The following POLR3B variants were observed in gnomAD, a reference collection of about 807,000 sequenced individuals.
POLR3B encodes the protein RNA polymerase III subunit B.
POLR3B carries 96 observed loss-of-function variants against 147.4 expected under a neutral mutation model. The ratio of observed to expected loss-of-function variants is 0.65; its 90% CI spans 0.55 to 0.77. POLR3B has a LOEUF of 0.77. POLR3B is among the 30% of genes least tolerant of loss of function. POLR3B has a pLI of 0.00. For synonymous variants in POLR3B, 461 were observed against 485.9 expected (o/e 0.95, Z 0.67); for missense variants, 1,036 against 1,413.5 (o/e 0.73, Z 4.28).
chr12:106,460,648 C>T (rs946206380), intron 22 of POLR3B, among the ~76,000 whole-genome samples: 1 of 152,176 alleles, frequency 6.6e-6, no homozygotes, highest in African/African-American at 2.4e-5. Flanking sequence ...TACAGAGGTG[C>T]CTCTGCTGGT....
chr12:106,452,052 A>C (rs2037804266), intron 19 of POLR3B, among the ~76,000 whole-genome samples: 1 of 152,184 alleles, frequency 6.6e-6, no homozygotes, highest in Admixed American at 6.5e-5. Flanking sequence ...AAATACTAAT[A>C]GGGGAATCAA....
intron 10 of POLR3B, among the ~76,000 whole-genome samples, chr12:106,399,756 A>C (rs1054509508): frequency 2.6e-5 from 4 of 152,142 alleles, no homozygotes; most frequent in Non-Finnish European, 4.4e-5. Flanking sequence ...GAAATAAAAT[A>C]CTTTACAGAC....
At chr12:106,508,380 C>T (rs183283080) in intron 27 of POLR3B, among the ~76,000 whole-genome samples, 1 of 152,304 alleles carries the variant, frequency 6.6e-6, no homozygotes, top group African/African-American at 2.4e-5. Context: ...AGGAATCCCC[C>T]TTCAATTCCT....
In POLR3B at chr12:106,469,546, G is replaced by A. The variant is rs1238220144; in HGVS notation, c.2713+5926G>A. Among the ~76,000 whole-genome samples, 11 of 152,118 alleles carry A rather than the reference G, an allele frequency of 7.2e-5. No individual in the cohort carries two copies. In the East Asian group the frequency reaches 7.7e-4, roughly 11 times the overall value. On this transcript the variant is annotated intron_variant, in intron 23 of 27. Coordinates refer to ENST00000228347, the MANE Select transcript of POLR3B (RefSeq NM_018082.6). ...ATTGATGCAGTTTCTTCATAGCATC[G>A]ATGGTCTTTACAATTTGGCATGTTT...
rs1307396784 is a variant in POLR3B at position 106,359,886 on chromosome 12, T to C, written c.72+1935T>C. Among the ~76,000 whole-genome samples, 7 of 152,358 alleles carry C rather than the reference T, an allele frequency of 4.6e-5. No individual in the cohort carries two copies. In the East Asian group the frequency reaches 1.2e-3, roughly 25 times the overall value. On this transcript the variant is annotated intron_variant, in intron 1 of 27. Coordinates refer to ENST00000228347, the MANE Select transcript of POLR3B (RefSeq NM_018082.6). ...GACTCGAGTCTTCATCCCTAACTGC[T>C]ATCGGACCGCTTCTCCAGAGAGCTG...
At chr12:106,497,043 T>C (rs2038500387) in intron 25 of POLR3B, 125 bp downstream of exon 25, 1 of 933,144 alleles carries the variant, frequency 1.1e-6, no homozygotes, top group Non-Finnish European at 1.7e-6. Flanking sequence ...GTGGGCGGCA[T>C]GTGGCCCAGG....
At chr12:106,503,267 A>G (rs954553737) in intron 26 of POLR3B, among the ~76,000 whole-genome samples, 17 of 152,230 alleles carry the variant, frequency 1.1e-4, no homozygotes, top group Non-Finnish European at 2.2e-4. Flanking sequence ...AATTTAAAAA[A>G]ATCTTAAAAT....
chr12:106,408,485 C>T (rs947060715), intron 11 of POLR3B, among the ~76,000 whole-genome samples: 2 of 152,110 alleles, frequency 1.3e-5, no homozygotes, highest in Non-Finnish European at 2.9e-5. Flanking sequence ...GGGTGGGTCC[C>T]GGTAATCTGT....
intron 12 of POLR3B, among the ~76,000 whole-genome samples, chr12:106,422,640 C>T (rs1204700092): frequency 6.6e-6 from 1 of 152,142 alleles, no homozygotes; most frequent in Non-Finnish European, 1.5e-5. Flanking sequence ...CTTTCATTTC[C>T]TCGCTGATCC....
chr12:106,433,943 G>A (rs1450677485), intron 16 of POLR3B, 71 bp downstream of exon 16: 2 of 1,309,436 alleles, frequency 1.5e-6, no homozygotes, highest in African/African-American at 2.9e-5. Flanking sequence ...AAATAGACTT[G>A]TTTTTATTTT....
In POLR3B at chr12:106,463,592, CAA is replaced by C; in HGVS notation, c.2687_2688del (p.Lys896IlefsTer24). On this transcript the variant is annotated frameshift_variant, in exon 23 of 28. Coordinates refer to ENST00000228347, the MANE Select transcript of POLR3B (RefSeq NM_018082.6). LOFTEE classifies it high-confidence loss of function. ...AGACAAGGCGTCCAGAAATTGGAGA[CAA>C]ATTCAGCAGTCGTCATGGGCAAAAA... The part of the protein sequence containing the change: ...RQTRRPEIGD[K>X]FSSRHGQKGV... The C allele has an allele frequency of 6.2e-7, 1 of 1,613,672 alleles. No individual in the cohort carries two copies.
chr12:106,433,543 C>T (rs559860316), intron 15 of POLR3B, among the ~76,000 whole-genome samples, 176 bp from the exon 16 acceptor site: 17 of 152,292 alleles, frequency 1.1e-4, no homozygotes, highest in African/African-American at 3.8e-4. Flanking sequence ...AGGACTGGCC[C>T]TTAAGCATTC....
intron 6 of POLR3B, among the ~76,000 whole-genome samples, chr12:106,371,501 G>A (rs1195778638): frequency 2.0e-5 from 3 of 151,972 alleles, no homozygotes; most frequent in Admixed American, 2.0e-4. Flanking sequence ...TATGTTTATT[G>A]TGGCACTATT....
At chr12:106,461,645 G>A (rs1386438032) in intron 22 of POLR3B, among the ~76,000 whole-genome samples, 1 of 152,136 alleles carries the variant, frequency 6.6e-6, no homozygotes, top group African/African-American at 2.4e-5. Context: ...ATAGTACCTG[G>A]CACATAGTGG....
intron 6 of POLR3B, among the ~76,000 whole-genome samples, chr12:106,375,904 G>A (rs1442472711): frequency 6.6e-6 from 1 of 152,186 alleles, no homozygotes; most frequent in Non-Finnish European, 1.5e-5. Context: ...GGAGTGCAGT[G>A]GTGTGATCCT....
At position 106,430,474 on chromosome 12, in the gene POLR3B, G is replaced by C; in HGVS notation, c.1464+1G>C. 1 of 1,610,560 alleles carries C rather than the reference G, an allele frequency of 6.2e-7. No homozygotes were observed. Among genetic ancestry groups the C allele is most frequent in the Non-Finnish European group, 8.5e-7 (1 of 1,178,104 alleles). ...TCCTTCGGACACTCCTGAAGGAGAGGTAAGGAATCTGAGGAGTCTTGATGC... is the reference window on the plus strand; with the variant it reads ...TCCTTCGGACACTCCTGAAGGAGAGCTAAGGAATCTGAGGAGTCTTGATGC... On this transcript the variant is annotated splice_donor_variant, in intron 14 of 27. Transcript: ENST00000228347. LOFTEE classifies it high-confidence loss of function.
At chr12:106,496,637 A>G (rs1297521653) in intron 24 of POLR3B, 115 bp from the exon 25 acceptor site, 4 of 894,862 alleles carry the variant, frequency 4.5e-6, no homozygotes, top group East Asian at 2.6e-5. Flanking sequence ...TACTGCTTCT[A>G]TTAATTTATT....
intron 20 of POLR3B, 32 bp from the exon 21 acceptor site, chr12:106,457,106 T>G: frequency 6.3e-7 from 1 of 1,594,598 alleles, no homozygotes; most frequent in Non-Finnish European, 8.6e-7. Context: ...GGGTTACTGG[T>G]GGTTCTAATG....
At chr12:106,370,379 A>G (rs1272155348) in intron 6 of POLR3B, among the ~76,000 whole-genome samples, 2 of 152,148 alleles carry the variant, frequency 1.3e-5, no homozygotes, top group Admixed American at 6.5e-5. Flanking sequence ...TACAGTTCCT[A>G]TTGGCTACCT....
Sources: allele counts gnomAD v4.1 joint callset (sites outside exome capture counted in the v4.1 genomes callset), GRCh38; gene constraint gnomAD v4.1.1; transcripts MANE v1.5; gene names NCBI Gene and HGNC (gene_info 2026-07-23, HGNC 2026-07-21).